Variants in RBFOX1 observed in about 807,000 individuals in gnomAD.
RBFOX1 encodes RNA binding fox-1 homolog 1.
A neutral mutation model predicts 57.7 loss-of-function variants in RBFOX1; 8 were observed. The observed-to-expected ratio is 0.14, with a 90% CI of 0.08 to 0.25. The LOEUF is 0.25. Ranked by LOEUF, RBFOX1 falls within the 10% of genes least tolerant of loss-of-function variation. The probability of loss-of-function intolerance (pLI) is 1.00; values close to 1 mark genes in which losing one functional copy is unlikely to be tolerated. For synonymous variants in RBFOX1, 326 were observed against 222.4 expected (o/e 1.47, Z -4.15); for missense variants, 611 against 548.5 (o/e 1.11, Z -1.14).
intron 3 of RBFOX1, among the ~76,000 whole-genome samples, chr16:6,753,878 G>C (rs554468183): frequency 1.3e-5 from 2 of 151,970 alleles, no homozygotes; most frequent in African/African-American, 4.8e-5. Flanking sequence ...ATGTGCTCTC[G>C]GTCATTTGTC....
intron 2 of RBFOX1, chr16:6,483,905 A>C: frequency 8.8e-7 from 1 of 1,135,042 alleles, no homozygotes; most frequent in Non-Finnish European, 1.1e-6. Context: ...CAGCGCGTGA[A>C]TGGGACGCGG....
intron 1 of RBFOX1, among the ~76,000 whole-genome samples, chr16:5,445,773 T>G (rs932990552): frequency 1.3e-5 from 2 of 152,244 alleles, no homozygotes; most frequent in African/African-American, 4.8e-5. Flanking sequence ...CACTAAATTT[T>G]TCTAGATGGC....
At chr16:6,731,405 C>G (rs1444223811) in intron 3 of RBFOX1, among the ~76,000 whole-genome samples, 1 of 152,134 alleles carries the variant, frequency 6.6e-6, no homozygotes, top group Non-Finnish European at 1.5e-5. Context: ...CCTCACATCT[C>G]ATCTTTTGTA....
At chr16:5,891,169 A>T (rs936644756) in intron 4 of RBFOX1, among the ~76,000 whole-genome samples, 2 of 151,680 alleles carry the variant, frequency 1.3e-5, no homozygotes, top group African/African-American at 4.8e-5. Context: ...TTTTCTTTGC[A>T]CAAAGGGCTT....
At chr16:5,908,095 T>TATATATATATATATATACAC (rs1567133450) in intron 4 of RBFOX1, among the ~76,000 whole-genome samples, 14 of 139,872 alleles carry the variant, frequency 1.0e-4, no homozygotes, top group African/African-American at 4.2e-4. Context: ...TACACATATA[T>TATATATATATATATATACAC]ACACATATAT....
At chr16:6,029,777 A>AC (rs1312557568) in intron 1 of RBFOX1, among the ~76,000 whole-genome samples, 1 of 151,698 alleles carries the variant, frequency 6.6e-6, no homozygotes, top group Admixed American at 6.6e-5. Context: ...CGTCTCAAAA[A>AC]AAAAAAAAAA....
chr16:6,391,489 A>G (rs2092599994), intron 2 of RBFOX1, among the ~76,000 whole-genome samples: 1 of 151,378 alleles, frequency 6.6e-6, no homozygotes, highest in African/African-American at 2.4e-5. Flanking sequence ...CAGCCTGGGC[A>G]ACAGAACAAG....
chr16:7,273,326 C>T (rs751329545), intron 4 of RBFOX1, among the ~76,000 whole-genome samples: 1 of 150,312 alleles, frequency 6.7e-6, no homozygotes, highest in Non-Finnish European at 1.5e-5. Context: ...ACAGCACTCT[C>T]TGCTGTGTCT....
intron 2 of RBFOX1, among the ~76,000 whole-genome samples, chr16:5,558,664 G>T (rs562989846): frequency 1.3e-5 from 2 of 152,230 alleles, no homozygotes; most frequent in African/African-American, 4.8e-5. Context: ...CCATGGCTCT[G>T]TTCCTGCCAT....
chr16:7,504,741 A>ATATTTATATATATATATT (rs2072385871), intron 4 of RBFOX1, among the ~76,000 whole-genome samples: 2 of 10,274 alleles, frequency 1.9e-4, no homozygotes, highest in Non-Finnish European at 4.5e-4. Context: ...ATATATATAT[A>ATATTTATATATATATATT]TATATATATA....
In RBFOX1 at chr16:5,345,764, G is replaced by A. The variant is rs139133100; in HGVS notation, c.219+105659G>A. Among the ~76,000 whole-genome samples, 7 of 152,248 alleles carry A rather than the reference G, an allele frequency of 4.6e-5. No individual in the cohort carries two copies. In the East Asian group the frequency reaches 7.7e-4, roughly 17 times the overall value. Reference sequence around the variant, plus strand: ...CACCTGATGGGTTAAGGCACATGACGCCACCCCTTTCCAGCTTCCAGGTTT... The same window carrying A: ...CACCTGATGGGTTAAGGCACATGACACCACCCCTTTCCAGCTTCCAGGTTT... On this transcript the variant is annotated intron_variant, in intron 1 of 2. Transcript: ENST00000585867.
rs476355 is a variant in RBFOX1 at position 5,385,555 on chromosome 16, C to T, written c.220-81661C>T. ...CAAAGAATGACATGGCTTTCTCCCCCTTAAATGACCTAGATCAGCCGCCTA... is the reference window on the plus strand; with the variant it reads ...CAAAGAATGACATGGCTTTCTCCCCTTTAAATGACCTAGATCAGCCGCCTA... On this transcript the variant is annotated intron_variant, in intron 1 of 2. Transcript: ENST00000585867. Among the ~76,000 whole-genome samples the T allele has an allele frequency of 2.3e-3, 346 of 152,258 alleles. 3 individuals carry two copies. Among genetic ancestry groups the T allele is most frequent in the African/African-American group, 8.0e-3 (333 of 41,562 alleles).
chr16:5,451,586 G>T (rs1393397024), intron 1 of RBFOX1, among the ~76,000 whole-genome samples: 1 of 152,188 alleles, frequency 6.6e-6, no homozygotes, highest in African/African-American at 2.4e-5. Context: ...TTTAGAAAGA[G>T]CAGATAGAAA....
intron 3 of RBFOX1, among the ~76,000 whole-genome samples, chr16:6,914,116 C>A (rs1229214869): frequency 6.6e-6 from 1 of 152,156 alleles, no homozygotes; most frequent in Non-Finnish European, 1.5e-5. Context: ...TGGAATGATA[C>A]CTCTGCATGC....
At chr16:6,621,504 A>G (rs1280523806) in intron 2 of RBFOX1, among the ~76,000 whole-genome samples, 2 of 152,122 alleles carry the variant, frequency 1.3e-5, no homozygotes, top group Non-Finnish European at 2.9e-5. Context: ...AACAGTAGTC[A>G]TTAGTGTCAG....
At chr16:5,278,775 A>G (rs985681220) in intron 1 of RBFOX1, among the ~76,000 whole-genome samples, 1 of 152,110 alleles carries the variant, frequency 6.6e-6, no homozygotes, top group Non-Finnish European at 1.5e-5. Flanking sequence ...AAGTGATGAG[A>G]GATAAGGGTC....
chr16:6,222,568 G>A (rs2097382298), intron 1 of RBFOX1, among the ~76,000 whole-genome samples: 1 of 151,728 alleles, frequency 6.6e-6, no homozygotes, highest in Admixed American at 6.6e-5. Flanking sequence ...TAACTTTAGT[G>A]CACATAACAA....
chr16:6,581,430 C>T (rs1600526796), intron 2 of RBFOX1, among the ~76,000 whole-genome samples: 1 of 152,158 alleles, frequency 6.6e-6, no homozygotes, highest in African/African-American at 2.4e-5. Context: ...GTACAGGCTT[C>T]CTTCCCCCAG....
intron 3 of RBFOX1, among the ~76,000 whole-genome samples, chr16:5,791,956 G>C (rs1252483566): frequency 1.3e-5 from 2 of 152,140 alleles, no homozygotes; most frequent in Non-Finnish European, 2.9e-5. Flanking sequence ...TGCCTCTGGG[G>C]CTTGGAGGTC....
Sources: allele counts gnomAD v4.1 joint callset (sites outside exome capture counted in the v4.1 genomes callset), GRCh38; gene constraint gnomAD v4.1.1; transcripts MANE v1.5; gene names NCBI Gene and HGNC (gene_info 2026-07-23, HGNC 2026-07-21).